The following SNAP91 variants were observed in gnomAD, a reference collection of about 807,000 sequenced individuals.
SNAP91 encodes the protein clathrin coat assembly protein AP180.
SNAP91 carries 27 observed loss-of-function variants against 100.3 expected under a neutral mutation model. That is an observed-to-expected ratio of 0.27 (90% CI 0.20 to 0.37). The LOEUF is 0.37. SNAP91 is among the 10% of genes least tolerant of loss of function. The pLI is 1.00. For synonymous variants in SNAP91, 404 were observed against 398.6 expected (o/e 1.01, Z -0.16); for missense variants, 986 against 1,123.7 (o/e 0.88, Z 1.75).
At chr6:83,646,249 T>C (rs1364732483) in intron 7 of SNAP91, among the ~76,000 whole-genome samples, 1 of 152,210 alleles carries the variant, frequency 6.6e-6, no homozygotes, top group African/African-American at 2.4e-5. Context: ...TCTTCAATTA[T>C]TTCTTCCATG....
rs138083945 is a variant in SNAP91, at chr6:83,587,500, T to A, written c.2014+3711A>T. ...TATGACTAGGCTCATTTATTTATTT[T>A]TTTTTAAAAATCTTCTTAGTTTCAA... On this transcript the variant is annotated intron_variant, in intron 22 of 29. Transcript: ENST00000369694. 3.2e-3 allele frequency among the ~76,000 whole-genome samples: 490 copies of A among 152,304 alleles called. 5 individuals are homozygous for A. The highest frequency in any genetic ancestry group is 0.011 in the South Asian group (54 of 4,826).
chr6:83,636,077 C>T (rs1438080631), intron 8 of SNAP91, among the ~76,000 whole-genome samples: 1 of 152,070 alleles, frequency 6.6e-6, no homozygotes, highest in Non-Finnish European at 1.5e-5. Context: ...TGATTTGTTC[C>T]TTTTCTCTAG....
chr6:83,651,084 A>G (rs185977157), intron 7 of SNAP91, among the ~76,000 whole-genome samples: 143 of 152,258 alleles, frequency 9.4e-4, no homozygotes, highest in African/African-American at 3.3e-3. Flanking sequence ...TTTAACATCC[A>G]TAAGATCTGT....
chr6:83,687,583 C>T (rs992409187), intron 2 of SNAP91, among the ~76,000 whole-genome samples: 12 of 152,060 alleles, frequency 7.9e-5, no homozygotes, highest in Admixed American at 5.2e-4. Context: ...CATTATAAAC[C>T]CTTTGAAAGT....
At chr6:83,574,927 A>C in intron 26 of SNAP91, 83 bp downstream of exon 26, 1 of 855,368 alleles carries the variant, frequency 1.2e-6, no homozygotes, top group Non-Finnish European at 1.9e-6. Context: ...CGTCGGCAGC[A>C]AAGTTAGCAA....
chr6:83,571,093 A>G (rs940427635), intron 26 of SNAP91, among the ~76,000 whole-genome samples: 1 of 150,602 alleles, frequency 6.6e-6, no homozygotes, highest in Admixed American at 6.6e-5. Flanking sequence ...CTGCCCGAGG[A>G]CCATGGGCGC....
At chr6:83,599,641 G>C (rs763891595) in intron 16 of SNAP91, among the ~76,000 whole-genome samples, 2 of 152,126 alleles carry the variant, frequency 1.3e-5, no homozygotes, top group Non-Finnish European at 1.5e-5. Flanking sequence ...AAACAACTTT[G>C]ACAAACTCTA....
chr6:83,678,962 A>G, intron 2 of SNAP91: 3 of 863,474 alleles, frequency 3.5e-6, no homozygotes, highest in Non-Finnish European at 4.4e-6. Context: ...AAAAAAAAAT[A>G]CAGCTGGCCT....
At chr6:83,635,407 A>T (rs2097394039) in intron 8 of SNAP91, among the ~76,000 whole-genome samples, 1 of 152,098 alleles carries the variant, frequency 6.6e-6, no homozygotes, top group South Asian at 2.1e-4. Context: ...CTTCTTGTTG[A>T]ATTGAACCAT....
At chr6:83,681,822 T>C (rs919031215) in intron 2 of SNAP91, among the ~76,000 whole-genome samples, 3 of 152,160 alleles carry the variant, frequency 2.0e-5, no homozygotes, top group African/African-American at 7.2e-5. Flanking sequence ...CCCCAAGTGT[T>C]CTAGAATGAC....
At chr6:83,556,324 GGGGAGAGA>G (rs1295527529) in intron 28 of SNAP91, 79 bp from the exon 29 acceptor site, 10 of 130,360 alleles carry the variant, frequency 7.7e-5, no homozygotes, top group Non-Finnish European at 1.3e-4. Flanking sequence ...GAGGGGGCAG[GGGGAGAGA>G]GGGAGAGGGG....
chr6:83,588,834 G>A (rs2093282337), intron 22 of SNAP91, among the ~76,000 whole-genome samples: 1 of 152,138 alleles, frequency 6.6e-6, no homozygotes, highest in African/African-American at 2.4e-5. Flanking sequence ...AGGCCACAAT[G>A]GAGGAGGATC....
intron 11 of SNAP91, among the ~76,000 whole-genome samples, chr6:83,611,782 C>T (rs1199907564): frequency 6.6e-6 from 1 of 151,402 alleles, no homozygotes; most frequent in Non-Finnish European, 1.5e-5. Flanking sequence ...CTGCAAGCTC[C>T]GCCTCCCGGG....
At chr6:83,698,586 T>C (rs1308453686) in intron 2 of SNAP91, among the ~76,000 whole-genome samples, 1 of 151,948 alleles carries the variant, frequency 6.6e-6, no homozygotes, top group Non-Finnish European at 1.5e-5. Context: ...AAAGAATACC[T>C]CTCAGCAAAA....
intron 29 of SNAP91, among the ~76,000 whole-genome samples, chr6:83,555,303 A>G (rs1776222409): frequency 6.6e-6 from 1 of 152,198 alleles, no homozygotes. Context: ...GTAGCACAGC[A>G]GGTGCATACT....
intron 13 of SNAP91, among the ~76,000 whole-genome samples, chr6:83,607,480 C>T (rs542091860): frequency 6.6e-6 from 1 of 152,180 alleles, no homozygotes; most frequent in Non-Finnish European, 1.5e-5. Flanking sequence ...TCTTCCATTT[C>T]CTTTCTCAGT....
At chr6:83,696,942 C>T (rs1209147595) in intron 2 of SNAP91, among the ~76,000 whole-genome samples, 5 of 152,080 alleles carry the variant, frequency 3.3e-5, no homozygotes, top group African/African-American at 9.7e-5. Context: ...GCTAAGTAAG[C>T]TAGTGAAAGA....
At chr6:83,594,087 T>C (rs1017143694) in intron 17 of SNAP91, among the ~76,000 whole-genome samples, 17 of 152,112 alleles carry the variant, frequency 1.1e-4, no homozygotes, top group African/African-American at 3.9e-4. Context: ...GCCAATATAT[T>C]TGAACTCAAT....
At chr6:83,663,362 T>G (rs1379992191) in intron 3 of SNAP91, among the ~76,000 whole-genome samples, 4 of 152,112 alleles carry the variant, frequency 2.6e-5, no homozygotes, top group Non-Finnish European at 4.4e-5. Context: ...AAAAGCTAGC[T>G]CTCTTGTGCC....
Sources: allele counts gnomAD v4.1 joint callset (sites outside exome capture counted in the v4.1 genomes callset), GRCh38; gene constraint gnomAD v4.1.1; transcripts MANE v1.5; gene names NCBI Gene and HGNC (gene_info 2026-07-23, HGNC 2026-07-21).